Variants in ANK2 observed in about 807,000 individuals in gnomAD.
ANK2 encodes the protein ankyrin-2.
In ANK2, 83 loss-of-function variants were observed where a neutral mutation model predicts 360.5. The observed-to-expected ratio is 0.23, with a 90% confidence interval of 0.19 to 0.28. The LOEUF (loss-of-function observed/expected upper bound fraction) is 0.28. Among genes scored for constraint, ANK2 ranks in the 10% least tolerant of loss-of-function variants. The probability of loss-of-function intolerance (pLI) is 1.00; values close to 1 mark genes in which losing one functional copy is unlikely to be tolerated. For synonymous variants in ANK2, 1,740 were observed against 1,759.5 expected, an observed-to-expected ratio of 0.99 and a Z score of 0.28; for missense variants, 4,201 against 4,795.7, an observed-to-expected ratio of 0.88 and a Z score of 3.66.
At chr4:113,038,262 A>G (rs1310057132) in intron 2 of ANK2, among the ~76,000 whole-genome samples, 1 of 152,054 alleles carries the variant, frequency 6.6e-6, no homozygotes, top group Non-Finnish European at 1.5e-5. Flanking sequence ...AGTAGCTCAC[A>G]TTCAGAAAGC....
chr4:113,354,557 A>C lies in ANK2; in HGVS notation c.5939A>C (p.Lys1980Thr). The part of the protein sequence containing the change: ...EKQPPVSPTS[K>T]TERIEETMSV... ...CAACCACCTGTATCCCCCACTTCAAAAACAGAGAGGATTGAGGAAACCATG... is the reference window on the plus strand; with the variant it reads ...CAACCACCTGTATCCCCCACTTCAACAACAGAGAGGATTGAGGAAACCATG... Residue 1980 changes from lysine to threonine, a missense_variant, in exon 38 of 46, where the codon AAA becomes ACA. Around this residue, in one of 4 missense-constraint regions of ANK2, gnomAD observed 2,642 missense variants for 2,714.5 expected, o/e 0.97. Coordinates refer to ENST00000357077, the MANE Select transcript of ANK2 (RefSeq NM_001148.6). The C allele has an allele frequency of 6.2e-7, 1 of 1,614,138 alleles. No homozygotes were observed. The highest frequency in any genetic ancestry group is 8.5e-7 in the Non-Finnish European group (1 of 1,180,006).
In ANK2 at chr4:113,286,283, T is replaced by C. The variant is rs72900032; in HGVS notation, c.2080-1322T>C. Among the ~76,000 whole-genome samples the C allele has an allele frequency of 7.9e-5, 12 of 152,242 alleles. No homozygotes were observed. In the East Asian group the frequency reaches 2.3e-3, roughly 29 times the overall value. On this transcript the variant is annotated intron_variant, in intron 18 of 45. Coordinates refer to ENST00000357077, the MANE Select transcript of ANK2 (RefSeq NM_001148.6). The stretch of plus-strand genomic sequence containing the variant: ...TTATACATTAGGATTAAATAATATT[T>C]GTTTAGAAGTGAAGAAAATTTTAAT...
At chr4:113,374,402 C>G (rs752213925) in intron 45 of ANK2, among the ~76,000 whole-genome samples, 3 of 152,136 alleles carry the variant, frequency 2.0e-5, no homozygotes, top group Non-Finnish European at 4.4e-5. Context: ...TAGAGCTCCT[C>G]CTTTGAGGGC....
At chr4:112,996,924 T>A (rs906911869) in intron 2 of ANK2, among the ~76,000 whole-genome samples, 1 of 152,110 alleles carries the variant, frequency 6.6e-6, no homozygotes, top group Admixed American at 6.6e-5. Context: ...CAGCCTCTGG[T>A]AACCATCCTT....
At chr4:112,790,261 G>A in the ANK2 span, among the ~76,000 whole-genome samples, 3,221 of 152,232 alleles carry the variant, frequency 0.021, 116 homozygotes, top group African/African-American at 0.074. Context: ...CTTATAAGAA[G>A]GAATTAGTGG....
At position 112,981,450 on chromosome 4, in the gene ANK2, C is replaced by G. The variant is rs148750397; in HGVS notation, c.21+76936C>G. Among the ~76,000 whole-genome samples, 585 of 152,232 alleles carry G rather than the reference C, an allele frequency of 3.8e-3. 3 individuals are homozygous for G. The highest frequency in any genetic ancestry group is 0.013 in the African/African-American group (528 of 41,530). On this transcript the variant is annotated intron_variant, in intron 2 of 30. Coordinates refer to the ANK2 transcript ENST00000503271. ...TTTGAAGAGTTTTATGGGAGAAGGT[C>G]TGGATTAGGGTGATAACCTGGAATG... is the stretch of plus-strand genomic sequence containing the variant.
chr4:112,938,990 C>A (rs965314893), intron 2 of ANK2, among the ~76,000 whole-genome samples: 3 of 152,148 alleles, frequency 2.0e-5, no homozygotes, highest in South Asian at 2.1e-4. Context: ...AGATTATTTA[C>A]ATTTTTCCTT....
chr4:113,202,483 A>G (rs1269529977), intron 4 of ANK2, among the ~76,000 whole-genome samples: 6 of 152,232 alleles, frequency 3.9e-5, no homozygotes, highest in Non-Finnish European at 2.9e-5. Flanking sequence ...CTTCTTCCAC[A>G]TCTTTCTAAG....
the ANK2 span, among the ~76,000 whole-genome samples, chr4:112,801,197 G>C: frequency 6.6e-6 from 1 of 152,114 alleles, no homozygotes; most frequent in Non-Finnish European, 1.5e-5. Flanking sequence ...TATTTTTTGT[G>C]TGTGGGATTT....
At chr4:112,952,821 A>G (rs2095110894) in intron 2 of ANK2, among the ~76,000 whole-genome samples, 1 of 152,062 alleles carries the variant, frequency 6.6e-6, no homozygotes, top group African/African-American at 2.4e-5. Flanking sequence ...GTCTCATCTG[A>G]CCCTCCTACA....
At chr4:113,139,702 C>T (rs550370873) in intron 1 of ANK2, among the ~76,000 whole-genome samples, 36 of 152,248 alleles carry the variant, frequency 2.4e-4, no homozygotes, top group Middle Eastern at 3.4e-3. Context: ...TGTCAGTCAG[C>T]GACATTTATT....
chr4:113,011,901 A>C (rs1407495782), intron 2 of ANK2, among the ~76,000 whole-genome samples: 1 of 152,114 alleles, frequency 6.6e-6, no homozygotes, highest in Non-Finnish European at 1.5e-5. Context: ...TTTCTTATGT[A>C]GAAATTTTAT....
At chr4:112,840,866 A>G (rs558158732) in intron 1 of ANK2, among the ~76,000 whole-genome samples, 5 of 152,322 alleles carry the variant, frequency 3.3e-5, no homozygotes, top group Admixed American at 3.3e-4. Context: ...GCAGAATGTA[A>G]GCTCATTCAG....
intron 2 of ANK2, among the ~76,000 whole-genome samples, chr4:112,916,024 A>T (rs559134501): frequency 2.9e-4 from 44 of 152,288 alleles, no homozygotes; most frequent in Non-Finnish European, 3.4e-4. Flanking sequence ...GTCAGATATT[A>T]TTGATATTTA....
chr4:112,750,158 G>T, the ANK2 span, among the ~76,000 whole-genome samples: 1 of 152,128 alleles, frequency 6.6e-6, no homozygotes, highest in Non-Finnish European at 1.5e-5. Context: ...CTGGCTGGGT[G>T]CAGTGGCTCA....
At chr4:113,367,538 C>T in intron 41 of ANK2, 28 bp from the exon 42 acceptor site, 1 of 1,611,224 alleles carries the variant, frequency 6.2e-7, no homozygotes, top group Non-Finnish European at 8.5e-7. Flanking sequence ...TAAGCTTCAA[C>T]TAAATACTTA....
At chr4:112,815,996 G>A (rs1357052804), upstream of ANK2, among the ~76,000 whole-genome samples, 3 of 152,246 alleles carry the variant, frequency 2.0e-5, no homozygotes, top group East Asian at 3.9e-4. Context: ...ACCTAAGGAC[G>A]GAGTCAGTCG....
intron 2 of ANK2, among the ~76,000 whole-genome samples, chr4:113,026,090 T>A (rs565002035): frequency 6.6e-6 from 1 of 152,256 alleles, no homozygotes; most frequent in African/African-American, 2.4e-5. Flanking sequence ...ATTTTCCCTC[T>A]TTACTATAAG....
intron 2 of ANK2, among the ~76,000 whole-genome samples, chr4:113,186,588 T>C (rs1050347390): frequency 6.0e-5 from 2 of 33,362 alleles, no homozygotes; most frequent in African/African-American, 3.2e-4. Context: ...CTCTCTCTCT[T>C]CTCTCTCTCT....
Sources: allele counts gnomAD v4.1 joint callset (sites outside exome capture counted in the v4.1 genomes callset), GRCh38; gene constraint gnomAD v4.1.1; regional missense constraint gnomAD v4.1.1; transcripts MANE v1.5; gene names NCBI Gene and HGNC (gene_info 2026-07-23, HGNC 2026-07-21).